The following NEK5 variants were observed in gnomAD, a reference collection of about 807,000 sequenced individuals.
The protein encoded by NEK5 is NIMA related kinase 5, also known as serine/threonine-protein kinase Nek5.
A neutral mutation model predicts 109.2 loss-of-function variants in NEK5; 88 were observed. The ratio of observed to expected loss-of-function variants is 0.81; its 90% CI spans 0.68 to 0.96. The LOEUF (loss-of-function observed/expected upper bound fraction) is 0.96. Ranked by LOEUF, NEK5 falls within the 40% of genes least tolerant of loss-of-function variation. NEK5 has a pLI of 0.00. For missense variants in NEK5, 834 were observed against 920.7 expected, an observed-to-expected ratio of 0.91 and a Z score of 1.22; for synonymous variants, 283 against 299.9, an observed-to-expected ratio of 0.94 and a Z score of 0.58.
At chr13:52,092,258 T>C (rs1435805738) in intron 13 of NEK5, among the ~76,000 whole-genome samples, 1 of 152,244 alleles carries the variant, frequency 6.6e-6, no homozygotes, top group Non-Finnish European at 1.5e-5. Context: ...TTCTGTAGGC[T>C]AAATTATAAT....
chr13:52,048,421 A>T (rs756644484), intron 23 of NEK5, among the ~76,000 whole-genome samples: 21 of 152,156 alleles, frequency 1.4e-4, no homozygotes, highest in African/African-American at 1.9e-4. Flanking sequence ...AAAAATAAAT[A>T]AAATTAAAAT....
At chr13:52,095,546 TAA>T (rs1485116278) in intron 12 of NEK5, among the ~76,000 whole-genome samples, 2 of 152,220 alleles carry the variant, frequency 1.3e-5, no homozygotes, top group East Asian at 1.9e-4. Context: ...ACAGGTCTGA[TAA>T]AGAGTCCTCT....
At chr13:52,055,268 G>A (rs985696649) in intron 22 of NEK5, among the ~76,000 whole-genome samples, 13 of 152,088 alleles carry the variant, frequency 8.5e-5, no homozygotes, top group African/African-American at 2.4e-5. Context: ...AAAAAGAAAC[G>A]AGCAAAGCCT....
At position 52,065,701 on chromosome 13, in the gene NEK5, C is replaced by G. The variant is rs1336749871; in HGVS notation, c.1850-92G>C. On this transcript the variant is annotated intron_variant, in intron 20 of 23. Transcript: ENST00000684899. Reference sequence around the variant, plus strand: ...TCTTAGGAACTCAGAGGCAGTTTATCAGCAGGTATGTTCAAAACCAGAAAA... The same window carrying G: ...TCTTAGGAACTCAGAGGCAGTTTATGAGCAGGTATGTTCAAAACCAGAAAA... The G allele has an allele frequency of 8.1e-6, 7 of 861,810 alleles. No individual in the cohort carries two copies. The East Asian group carries it at 1.8e-4, about 22-fold the overall frequency. 53.4% of individuals were successfully genotyped at this position (861,810 alleles called of 1,614,324 possible). A position where few individuals can be genotyped will look rare whatever the true frequency, so the allele number is the denominator to read the frequency against.
chr13:52,128,061 G>A (rs745533900), intron 1 of NEK5, among the ~76,000 whole-genome samples: 43 of 152,130 alleles, frequency 2.8e-4, no homozygotes, highest in Non-Finnish European at 4.4e-4. Flanking sequence ...CACAATAAAG[G>A]ATTACCCCGC....
At chr13:52,083,599 C>T (rs373509825) in intron 16 of NEK5, among the ~76,000 whole-genome samples, 7 of 151,286 alleles carry the variant, frequency 4.6e-5, no homozygotes, top group Middle Eastern at 3.4e-3. Flanking sequence ...TGCAGTGGTG[C>T]GATCTTGGCT....
At chr13:52,082,739 T>G (rs1030564685) in intron 17 of NEK5, among the ~76,000 whole-genome samples, 4 of 152,200 alleles carry the variant, frequency 2.6e-5, no homozygotes, top group African/African-American at 9.7e-5. Context: ...GTTCTTATAC[T>G]AAATAGCAGC....
intron 12 of NEK5, among the ~76,000 whole-genome samples, chr13:52,097,378 G>C (rs1157030970): frequency 6.6e-6 from 1 of 152,220 alleles, no homozygotes. Context: ...CAGCCTGTGA[G>C]AGCAGCCGCA....
intron 21 of NEK5, among the ~76,000 whole-genome samples, chr13:52,064,046 A>G (rs1305759551): frequency 2.8e-5 from 3 of 108,114 alleles, no homozygotes; most frequent in African/African-American, 1.2e-4. Context: ...TCCGGGAGGG[A>G]GGTGGGGGGG....
chr13:52,068,197 C>T (rs1353914218), intron 20 of NEK5, among the ~76,000 whole-genome samples: 1 of 152,114 alleles, frequency 6.6e-6, no homozygotes, highest in Non-Finnish European at 1.5e-5. Flanking sequence ...GAAGAGCTTT[C>T]CTCTTTTGTT....
Position 52,112,262 on chromosome 13 carries a change from T to G in NEK5, c.312+6A>C. ...TAAAATTAAAAAGCAAATTAGAAGT[T>G]TTTACCTGATCTTCACTAAATAACA... is the stretch of plus-strand genomic sequence containing the variant. On this transcript the variant is annotated splice_donor_region_variant and intron_variant, in intron 5 of 23. Coordinates refer to ENST00000684899, the MANE Select transcript of NEK5 (RefSeq NM_001365552.1). 6.4e-7 allele frequency: 1 copy of G among 1,568,530 alleles called. No individual in the cohort carries two copies. Among genetic ancestry groups the G allele is most frequent in the East Asian group, 2.2e-5 (1 of 44,574 alleles).
At chr13:52,065,373 A>G in intron 21 of NEK5, 111 bp downstream of exon 21, 1 of 1,412,480 alleles carries the variant, frequency 7.1e-7, no homozygotes, top group African/African-American at 1.4e-5. Context: ...TGTCTGATAC[A>G]AGATCTATAG....
intron 17 of NEK5, among the ~76,000 whole-genome samples, chr13:52,079,342 G>C (rs1954928408): frequency 1.6e-5 from 2 of 124,308 alleles, no homozygotes; most frequent in African/African-American, 7.1e-5. Context: ...GTCTCCCTCT[G>C]ATGCCGAGCC....
intron 22 of NEK5, among the ~76,000 whole-genome samples, chr13:52,057,177 C>A (rs1306001843): frequency 2.6e-5 from 4 of 152,132 alleles, no homozygotes; most frequent in Non-Finnish European, 4.4e-5. Context: ...CATCTCTACG[C>A]AAATAAACTA....
chr13:52,058,683 A>C (rs1355925061), intron 22 of NEK5, among the ~76,000 whole-genome samples: 1 of 151,900 alleles, frequency 6.6e-6, no homozygotes, highest in Non-Finnish European at 1.5e-5. Flanking sequence ...GACAAACCTG[A>C]CAAAAACAAG....
intron 23 of NEK5, among the ~76,000 whole-genome samples, chr13:52,046,097 C>T (rs987227909): frequency 6.7e-6 from 1 of 150,142 alleles, no homozygotes; most frequent in African/African-American, 2.4e-5. Context: ...AAGTTGGATC[C>T]ACACTTTGTA....
rs1005455750 is a variant in NEK5 at position 52,112,856 on chromosome 13, C to T, written c.215-491G>A. Among the ~76,000 whole-genome samples the T allele has an allele frequency of 5.3e-5, 8 of 152,320 alleles. 1 individual carries two copies. The highest frequency in any genetic ancestry group is 8.8e-5 in the Non-Finnish European group (6 of 68,026). On this transcript the variant is annotated intron_variant, in intron 4 of 23. Coordinates refer to ENST00000684899, the MANE Select transcript of NEK5 (RefSeq NM_001365552.1). ...AACTGACCTCTGCCTAAACCACTCA[C>T]TAGATTACAGGACACTCTCCATTGC...
At chr13:52,066,013 GA>G (rs60534347) in intron 20 of NEK5, among the ~76,000 whole-genome samples, 81,326 of 149,624 alleles carry the variant, frequency 0.54, 24,159 homozygotes, top group Non-Finnish European at 0.67. Flanking sequence ...GTAGGTAGAA[GA>G]AAAAAAAAAA....
chr13:52,083,570 T>C (rs909162303), intron 16 of NEK5, among the ~76,000 whole-genome samples: 5 of 151,438 alleles, frequency 3.3e-5, no homozygotes, highest in African/African-American at 1.2e-4. Flanking sequence ...GGAGTCTCAC[T>C]CTGTCACCCA....
Sources: gnomAD v4.1 joint callset for allele counts (sites outside exome capture counted in the v4.1 genomes callset) on GRCh38, gnomAD v4.1.1 for gene constraint, MANE v1.5 for transcripts, NCBI Gene and HGNC (gene_info 2026-07-23, HGNC 2026-07-21) for gene names.